The following ABLIM2 variants were observed in gnomAD, a reference collection of about 807,000 sequenced individuals.
ABLIM2 encodes the protein actin-binding LIM protein 2.
In ABLIM2, 53 loss-of-function variants were observed where a neutral mutation model predicts 97.7. The observed-to-expected ratio is 0.54, with a 90% confidence interval of 0.44 to 0.68. The LOEUF (loss-of-function observed/expected upper bound fraction) is 0.68, where lower values mean the gene tolerates loss of function less well. Ranked by LOEUF, ABLIM2 falls within the 30% of genes least tolerant of loss-of-function variation. The probability of loss-of-function intolerance (pLI) is 0.00; values close to 1 mark genes in which losing one functional copy is unlikely to be tolerated. For synonymous variants in ABLIM2, 361 were observed against 345.8 expected, an observed-to-expected ratio of 1.04 and a Z score of -0.49; for missense variants, 835 against 867.2, an observed-to-expected ratio of 0.96 and a Z score of 0.47.
intron 8 of ABLIM2, among the ~76,000 whole-genome samples, chr4:8,052,863 G>A (rs138827170): frequency 6.6e-6 from 1 of 152,240 alleles, no homozygotes; most frequent in Non-Finnish European, 1.5e-5. Flanking sequence ...AGTCACTCAG[G>A]ACCCCCAAGG....
At chr4:7,977,119 G>C (rs1734122790) in intron 20 of ABLIM2, among the ~76,000 whole-genome samples, 2 of 152,172 alleles carry the variant, frequency 1.3e-5, no homozygotes, top group South Asian at 4.1e-4. Context: ...TCTCGTGATA[G>C]AGAGTGAGTT....
chr4:8,090,469 T>C (rs569593323), intron 3 of ABLIM2, among the ~76,000 whole-genome samples: 3 of 152,224 alleles, frequency 2.0e-5, no homozygotes, highest in South Asian at 4.1e-4. Context: ...GCTGACTCAA[T>C]GGCAGCTATG....
At chr4:8,097,038 A>G (rs1381016303) in intron 3 of ABLIM2, 61 bp downstream of exon 3, 2 of 1,518,180 alleles carry the variant, frequency 1.3e-6, no homozygotes, top group Admixed American at 4.2e-5. Context: ...GAAGGGAGGG[A>G]GGGAAGGAGA....
rs1293213200 is a variant in ABLIM2, at chr4:8,122,535, C to T, written c.11-15898G>A. ...CACAAGGCAGAGAGCGCGCTCTGGG[C>T]AGGAGTCCCATCATGAGGACCCCAC... On this transcript the variant is annotated intron_variant, in intron 1 of 20. Coordinates refer to ENST00000447017, the MANE Select transcript of ABLIM2 (RefSeq NM_001130083.2). This position sits in a 1 kb window ranked among gnomAD's most constrained non-coding sequence, Gnocchi z 4.1. 1.3e-5 allele frequency among the ~76,000 whole-genome samples: 2 copies of T among 152,176 alleles called. No homozygotes were observed. Among genetic ancestry groups the T allele is most frequent in the Non-Finnish European group, 2.9e-5 (2 of 68,022 alleles).
In ABLIM2 at chr4:8,150,871, C is replaced by A. The variant is rs555208539; in HGVS notation, c.10+7809G>T. On this transcript the variant is annotated intron_variant, in intron 1 of 20. Coordinates refer to ENST00000447017, the MANE Select transcript of ABLIM2 (RefSeq NM_001130083.2). The surrounding 1 kb of genome is among the most constrained non-coding windows in gnomAD (Gnocchi z 6.3). ...AGGGGAGGGGAAGCTATGAACCCAG[C>A]CTAGGGTGTGGCTGATGATGCCAAA... Among the ~76,000 whole-genome samples the A allele has an allele frequency of 2.6e-5, 4 of 152,236 alleles. No homozygotes were observed. In the East Asian group the frequency reaches 7.7e-4, roughly 29 times the overall value.
At position 8,095,188 on chromosome 4, in the gene ABLIM2, C is replaced by A. The variant is rs575805641; in HGVS notation, c.338+1911G>T. On this transcript the variant is annotated intron_variant, in intron 3 of 20. Transcript: ENST00000447017. This position sits in a 1 kb window ranked among gnomAD's most constrained non-coding sequence, Gnocchi z 4.7. ...GTGCAATCATAGCTCACTGCAGCCT[C>A]AAAATCCTGGGCCCAAGCAATCCTC... 1.2e-4 allele frequency among the ~76,000 whole-genome samples: 18 copies of A among 152,090 alleles called. No individual in the cohort carries two copies. The highest frequency in any genetic ancestry group is 4.3e-4 in the African/African-American group (18 of 41,474).
chr4:7,997,713 G>A (rs1403229430), intron 16 of ABLIM2, among the ~76,000 whole-genome samples: 1 of 152,060 alleles, frequency 6.6e-6, no homozygotes. Context: ...GAGATGTGGG[G>A]TTGCTGCGTA....
chr4:8,153,811 A>G (rs1234370860), intron 1 of ABLIM2, among the ~76,000 whole-genome samples: 1 of 152,268 alleles, frequency 6.6e-6, no homozygotes, highest in East Asian at 1.9e-4. Flanking sequence ...AAAAAGGTGC[A>G]GAAGACGGAA....
chr4:8,105,691 G>A (rs1377901698), intron 2 of ABLIM2, among the ~76,000 whole-genome samples: 1 of 152,210 alleles, frequency 6.6e-6, no homozygotes, highest in Non-Finnish European at 1.5e-5. Context: ...GCACGGGGCC[G>A]CACACCGCAG....
intron 1 of ABLIM2, among the ~76,000 whole-genome samples, chr4:8,109,890 T>C (rs1839455914): frequency 6.6e-6 from 1 of 152,254 alleles, no homozygotes; most frequent in African/African-American, 2.4e-5. Context: ...GTGGCCTTTC[T>C]CACTCTGGTT....
intron 6 of ABLIM2, among the ~76,000 whole-genome samples, chr4:8,070,136 TGTCTGTGTGTGTAC>T (rs1298050481): frequency 6.6e-6 from 1 of 151,866 alleles, no homozygotes; most frequent in Admixed American, 6.6e-5. Context: ...CTACAATCTG[TGTCTGTGTGTGTAC>T]GTCTGTGTGT....
intron 17 of ABLIM2, among the ~76,000 whole-genome samples, chr4:7,988,054 C>T (rs537562898): frequency 1.3e-5 from 2 of 152,274 alleles, no homozygotes; most frequent in Admixed American, 6.5e-5. Context: ...GCCAGAGTCT[C>T]GCTCTGTCAC....
chr4:7,990,876 C>T (rs1748163112), intron 17 of ABLIM2, among the ~76,000 whole-genome samples: 1 of 152,170 alleles, frequency 6.6e-6, no homozygotes, highest in South Asian at 2.1e-4. Context: ...AGAACATTAG[C>T]AGGGAAAAGA....
At position 8,134,567 on chromosome 4, in the gene ABLIM2, A is replaced by T. The variant is rs553291564; in HGVS notation, c.10+24113T>A. Among the ~76,000 whole-genome samples the T allele has an allele frequency of 1.6e-3, 244 of 152,346 alleles. 3 individuals are homozygous for T. Among genetic ancestry groups the T allele is most frequent in the Non-Finnish European group, 2.6e-4 (18 of 68,034 alleles). ...CCGTCTGCCTCCTGAATCAATAAAG[A>T]CAAATAATCCAACAGAAAAATAAGC... On this transcript the variant is annotated intron_variant, in intron 1 of 20. Coordinates refer to ENST00000447017, the MANE Select transcript of ABLIM2 (RefSeq NM_001130083.2).
intron 14 of ABLIM2, among the ~76,000 whole-genome samples, chr4:8,011,698 G>C (rs1172108961): frequency 6.6e-6 from 1 of 152,356 alleles, no homozygotes; most frequent in Non-Finnish European, 1.5e-5. Flanking sequence ...GAGAAAGAGA[G>C]TTTAATATGT....
chr4:8,090,164 C>T (rs1387593659), intron 3 of ABLIM2, among the ~76,000 whole-genome samples: 1 of 152,212 alleles, frequency 6.6e-6, no homozygotes, highest in African/African-American at 2.4e-5. Context: ...CTCCCATGCC[C>T]GTGTTGCCAC....
At chr4:8,156,933 A>T (rs1020338865) in intron 1 of ABLIM2, among the ~76,000 whole-genome samples, 1 of 152,224 alleles carries the variant, frequency 6.6e-6, no homozygotes, top group Non-Finnish European at 1.5e-5. Context: ...CCCGGAGAGC[A>T]CACATTGCCA....
intron 7 of ABLIM2, among the ~76,000 whole-genome samples, chr4:8,057,467 C>G (rs1800029404): frequency 6.6e-6 from 1 of 152,192 alleles, no homozygotes; most frequent in African/African-American, 2.4e-5. Flanking sequence ...GCACATACTT[C>G]CTAGAAATGG....
chr4:8,088,119 C>G, intron 4 of ABLIM2, 50 bp downstream of exon 4: 1 of 826,892 alleles, frequency 1.2e-6, no homozygotes, highest in Middle Eastern at 2.7e-4. Context: ...TTTAGCACCC[C>G]CCACTCAGCA....
Sources: allele counts gnomAD v4.1 joint callset (sites outside exome capture counted in the v4.1 genomes callset), GRCh38; gene constraint gnomAD v4.1.1; non-coding constraint Gnocchi (gnomAD v3.1); transcripts MANE v1.5; gene names NCBI Gene and HGNC (gene_info 2026-07-23, HGNC 2026-07-21).